The following SAMMSON variants were observed in gnomAD, a reference collection of about 807,000 sequenced individuals.
SAMMSON encodes long intergenic non-protein coding RNA 1212.
At chr3:70,343,081 A>G (rs1402427054) in intron 7 of SAMMSON, among the ~76,000 whole-genome samples, 1 of 152,204 alleles carries the variant, frequency 6.6e-6, no homozygotes, top group East Asian at 1.9e-4. Context: ...TTTTTAAAAT[A>G]AGCTTTTTAT....
intron 9 of SAMMSON, among the ~76,000 whole-genome samples, chr3:70,373,761 A>T (rs543354433): frequency 6.6e-6 from 1 of 152,126 alleles, no homozygotes; most frequent in African/African-American, 2.4e-5. Flanking sequence ...CTGAGTTTTT[A>T]AATTTTAGTT....
intron 7 of SAMMSON, among the ~76,000 whole-genome samples, chr3:70,296,335 A>T (rs1434501779): frequency 1.3e-5 from 2 of 152,122 alleles, no homozygotes; most frequent in East Asian, 3.9e-4. Context: ...TAAGAGACTG[A>T]AACAGACTCT....
At chr3:70,300,748 A>G (rs1320142137) in intron 7 of SAMMSON, among the ~76,000 whole-genome samples, 2 of 152,094 alleles carry the variant, frequency 1.3e-5, no homozygotes, top group Non-Finnish European at 2.9e-5. Flanking sequence ...TACAAAACCC[A>G]TACTTGGCTA....
At chr3:70,372,847 A>G (rs1330984964) in intron 9 of SAMMSON, among the ~76,000 whole-genome samples, 2 of 152,112 alleles carry the variant, frequency 1.3e-5, no homozygotes, top group Non-Finnish European at 2.9e-5. Flanking sequence ...TGTGTATTTT[A>G]TGTACATAAC....
intron 7 of SAMMSON, among the ~76,000 whole-genome samples, chr3:70,305,461 C>A (rs187726326): frequency 3.7e-4 from 57 of 152,142 alleles, no homozygotes; most frequent in Non-Finnish European, 6.0e-4. Context: ...AAATGAGATA[C>A]AAAAAATATC....
intron 7 of SAMMSON, among the ~76,000 whole-genome samples, chr3:70,340,871 T>C (rs1279382202): frequency 6.6e-6 from 1 of 152,108 alleles, no homozygotes; most frequent in Non-Finnish European, 1.5e-5. Context: ...TATAGTTGAA[T>C]CTTGTGAGTC....
chr3:70,296,492 T>C (rs1189469639), intron 7 of SAMMSON, among the ~76,000 whole-genome samples: 2 of 152,204 alleles, frequency 1.3e-5, no homozygotes, highest in East Asian at 1.9e-4. Flanking sequence ...TTAACATAAT[T>C]TTCCAAATAA....
intron 9 of SAMMSON, among the ~76,000 whole-genome samples, chr3:70,386,437 T>C (rs1703123295): frequency 6.6e-6 from 1 of 151,924 alleles, no homozygotes; most frequent in African/African-American, 2.4e-5. Flanking sequence ...GTATGTAAAA[T>C]GAAAAAAAAT....
intron 4 of SAMMSON, among the ~76,000 whole-genome samples, chr3:70,214,240 G>A (rs951188860): frequency 1.3e-5 from 2 of 152,074 alleles, no homozygotes; most frequent in Non-Finnish European, 2.9e-5. Flanking sequence ...TCAAATGGCA[G>A]CTCTGGTTGG....
chr3:70,360,732 G>A lies in SAMMSON; in HGVS notation n.913+2408G>A, dbSNP rs184927101. Among the ~76,000 whole-genome samples, 4 of 152,232 alleles carry A rather than the reference G, an allele frequency of 2.6e-5. No homozygotes were observed. In the East Asian group the frequency reaches 7.7e-4, roughly 29 times the overall value. On this transcript the variant is annotated intron_variant and non_coding_transcript_variant, in intron 9 of 9. Transcript: ENST00000642114. ...TTGAACACTTCTCAGAGTAAGTTAT[G>A]ATAAAACATCATAATATAAATGGAA...
chr3:70,042,937 A>G (rs1270993333), intron 3 of SAMMSON, among the ~76,000 whole-genome samples: 3 of 152,256 alleles, frequency 2.0e-5, no homozygotes, highest in Admixed American at 6.5e-5. Flanking sequence ...TCGCTTTGCC[A>G]GTGAATATAA....
chr3:70,275,935 A>C (rs1702020988), intron 6 of SAMMSON, among the ~76,000 whole-genome samples: 1 of 152,138 alleles, frequency 6.6e-6, no homozygotes, highest in Non-Finnish European at 1.5e-5. Flanking sequence ...ATGGTAACTA[A>C]TCAGCTTTGA....
At chr3:70,108,441 T>TTTTTTTTTTTTTTTTTTTTTTA (rs1553715435) in intron 4 of SAMMSON, among the ~76,000 whole-genome samples, 2 of 146,408 alleles carry the variant, frequency 1.4e-5, no homozygotes, top group African/African-American at 5.2e-5. Context: ...TTTTTTTTTT[T>TTTTTTTTTTTTTTTTTTTTTTA]ATCATAACTC....
intron 4 of SAMMSON, chr3:70,204,524 G>A (rs535453224): frequency 1.2e-4 from 18 of 152,200 alleles, no homozygotes; most frequent in Admixed American, 9.8e-4. Context: ...TTTTTCACAC[G>A]GGAGGAAAAG....
intron 6 of SAMMSON, among the ~76,000 whole-genome samples, chr3:70,276,162 A>G (rs1575612937): frequency 6.6e-6 from 1 of 152,168 alleles, no homozygotes; most frequent in East Asian, 1.9e-4. Context: ...AATGTCTAGA[A>G]TAATGTTAGG....
At chr3:70,420,733 C>G (rs1277973388) in intron 2 of SAMMSON, among the ~76,000 whole-genome samples, 5 of 152,080 alleles carry the variant, frequency 3.3e-5, no homozygotes, top group Admixed American at 3.3e-4. Flanking sequence ...GGAAGTTGGA[C>G]AGAGATTGTT....
chr3:70,048,645 A>G (rs1576108223), intron 3 of SAMMSON, among the ~76,000 whole-genome samples: 1 of 152,100 alleles, frequency 6.6e-6, no homozygotes, highest in Non-Finnish European at 1.5e-5. Context: ...TACTATTACT[A>G]CTACTATTGC....
chr3:70,051,545 T>C (rs999571040), intron 3 of SAMMSON, among the ~76,000 whole-genome samples: 1 of 151,202 alleles, frequency 6.6e-6, no homozygotes, highest in Non-Finnish European at 1.5e-5. Context: ...TTCTGTGCTG[T>C]TAAAAGGGTT....
intron 4 of SAMMSON, among the ~76,000 whole-genome samples, chr3:70,199,014 C>T (rs1039432069): frequency 1.3e-5 from 2 of 152,180 alleles, no homozygotes; most frequent in Admixed American, 1.3e-4. Flanking sequence ...GCAGTGGCTG[C>T]ACTGGCAAAG....
Sources: gnomAD v4.1 joint callset for allele counts (sites outside exome capture counted in the v4.1 genomes callset) on GRCh38, gnomAD v4.1.1 for gene constraint, MANE v1.5 for transcripts, NCBI Gene and HGNC (gene_info 2026-07-23, HGNC 2026-07-21) for gene names.